ZHX2: variants seen among roughly 807,000 people sequenced by gnomAD.
The protein encoded by ZHX2 is zinc fingers and homeoboxes protein 2.
In ZHX2, 6 loss-of-function variants were observed where a neutral mutation model predicts 21.9. That is an observed-to-expected ratio of 0.27 (90% confidence interval 0.15 to 0.54). ZHX2 has a LOEUF of 0.54. Ranked by LOEUF, ZHX2 falls within the 20% of genes least tolerant of loss-of-function variation. The pLI is 0.95. For synonymous variants in ZHX2, 434 were observed against 437.1 expected (o/e 0.99, Z 0.09); for missense variants, 908 against 1,090.7 (o/e 0.83, Z 2.36).
At chr8:122,801,169 T>G (rs1817712490) in intron 1 of ZHX2, among the ~76,000 whole-genome samples, 1 of 152,168 alleles carries the variant, frequency 6.6e-6, no homozygotes, top group Non-Finnish European at 1.5e-5. Context: ...ATGAAAAAAT[T>G]CGTAATTCTA....
intron 1 of ZHX2, among the ~76,000 whole-genome samples, chr8:122,834,451 G>A (rs1014703842): frequency 2.6e-5 from 4 of 152,236 alleles, no homozygotes; most frequent in Admixed American, 6.5e-5. Context: ...TGCCGCACTT[G>A]AAACAGGCGC....
intron 2 of ZHX2, among the ~76,000 whole-genome samples, chr8:122,898,132 C>CA (rs1162368628): frequency 3.0e-4 from 45 of 152,260 alleles, no homozygotes; most frequent in Middle Eastern, 3.4e-3. Flanking sequence ...GTAGTTTTTA[C>CA]AAAAAACCCA....
chr8:122,931,645 T>C (rs192192498), intron 2 of ZHX2, among the ~76,000 whole-genome samples: 13 of 151,792 alleles, frequency 8.6e-5, no homozygotes, highest in African/African-American at 3.1e-4. Flanking sequence ...AGCATCAGAG[T>C]CTTCAGGAGG....
chr8:122,865,083 G>A (rs193051077), intron 2 of ZHX2, among the ~76,000 whole-genome samples: 3 of 152,158 alleles, frequency 2.0e-5, no homozygotes, highest in Admixed American at 2.0e-4. Flanking sequence ...GCTGTCAGGG[G>A]CTGGGGAAAG....
intron 2 of ZHX2, among the ~76,000 whole-genome samples, chr8:122,925,670 C>A (rs1820832097): frequency 6.6e-6 from 1 of 152,160 alleles, no homozygotes; most frequent in South Asian, 2.1e-4. Context: ...GCAGAGAGAA[C>A]AGCTCGAGCA....
chr8:122,811,758 C>G (rs1477702266), intron 1 of ZHX2, among the ~76,000 whole-genome samples: 9 of 152,316 alleles, frequency 5.9e-5, no homozygotes, highest in Admixed American at 1.3e-4. Context: ...CGTAAAGACC[C>G]TTTCTCGTGG....
chr8:122,800,753 G>T (rs902433009), intron 1 of ZHX2, among the ~76,000 whole-genome samples: 17 of 152,184 alleles, frequency 1.1e-4, no homozygotes, highest in Non-Finnish European at 2.4e-4. Context: ...TCCCAAGGCG[G>T]GGGGCAGAGA....
rs71310636 is a variant in ZHX2 at position 122,937,933 on chromosome 8, G to GTTTTTTTTTTTT, written c.-219-13349_-219-13338dup. Among the ~76,000 whole-genome samples the GTTTTTTTTTTTT allele has an allele frequency of 1.9e-4, 14 of 73,380 alleles. 1 individual carries two copies. Among genetic ancestry groups the GTTTTTTTTTTTT allele is most frequent in the Admixed American group, 2.4e-4 (1 of 4,176 alleles). 48.1% of individuals were successfully genotyped at this position (73,380 alleles called of 152,430 possible). Reference sequence around the variant, plus strand: ...ATTATGTTTCCTGGTTTTCTTTTTGGTTTTTTTTTTTTTTTTTTTTTGAGA... The same window carrying GTTTTTTTTTTTT: ...ATTATGTTTCCTGGTTTTCTTTTTGGTTTTTTTTTTTTTTTTTTTTTTTTTTTTTTTTTGAGA... On this transcript the variant is annotated intron_variant, in intron 2 of 3. Coordinates refer to ENST00000314393, the MANE Select transcript of ZHX2 (RefSeq NM_014943.5).
chr8:122,791,124 A>G (rs1000140481), intron 1 of ZHX2, among the ~76,000 whole-genome samples: 1 of 152,234 alleles, frequency 6.6e-6, no homozygotes, highest in African/African-American at 2.4e-5. Flanking sequence ...CTGAGCCACA[A>G]TCCAGCACGG....
intron 2 of ZHX2, among the ~76,000 whole-genome samples, chr8:122,920,229 G>C (rs1161027833): frequency 6.6e-6 from 1 of 152,088 alleles, no homozygotes; most frequent in African/African-American, 2.4e-5. Context: ...AGCCGAGATC[G>C]TGCCGTTGCA....
intron 2 of ZHX2, among the ~76,000 whole-genome samples, chr8:122,937,937 T>TTTTTG (rs1812745823): frequency 8.5e-6 from 1 of 118,276 alleles, no homozygotes; most frequent in Admixed American, 8.7e-5. Context: ...TTTTTGGTTT[T>TTTTTG]TTTTTTTTTT....
At chr8:122,845,348 AAATTAACTTGTTTAT>A (rs374157451) in intron 1 of ZHX2, among the ~76,000 whole-genome samples, 1 of 152,334 alleles carries the variant, frequency 6.6e-6, no homozygotes, top group East Asian at 1.9e-4. Flanking sequence ...TTTCATAAGA[AAATTAACTTGTTTAT>A]AATTTTAATG....
chr8:122,935,382 T>C (rs530879038), intron 2 of ZHX2, among the ~76,000 whole-genome samples: 1 of 152,154 alleles, frequency 6.6e-6, no homozygotes, highest in South Asian at 2.1e-4. Context: ...TTGAAAATTA[T>C]TTGCAATGAA....
At chr8:122,853,248 T>C (rs1157599322) in intron 1 of ZHX2, among the ~76,000 whole-genome samples, 2 of 152,214 alleles carry the variant, frequency 1.3e-5, no homozygotes, top group African/African-American at 4.8e-5. Context: ...GGGAGCATTC[T>C]ATGTGCCAGG....
Position 122,974,110 on chromosome 8 carries a change from T to C in ZHX2, c.*873T>C, listed in dbSNP as rs941581988. 6.6e-6 allele frequency: 1 copy of C among 152,544 alleles called. No homozygotes were observed. Among genetic ancestry groups the C allele is most frequent in the African/African-American group, 2.4e-5 (1 of 41,402 alleles). 9.4% of individuals were successfully genotyped at this position (152,544 alleles called of 1,614,324 possible). Reference sequence around the variant, plus strand: ...TATTGTGACATTAAAACAACAACAATAAGATCTTCCTATCTGGAGGGTACA... The same window carrying C: ...TATTGTGACATTAAAACAACAACAACAAGATCTTCCTATCTGGAGGGTACA... On this transcript the variant is annotated 3_prime_UTR_variant, in exon 4 of 4. Coordinates refer to ENST00000314393, the MANE Select transcript of ZHX2 (RefSeq NM_014943.5).
At chr8:122,875,365 A>C (rs926084827) in intron 2 of ZHX2, among the ~76,000 whole-genome samples, 3 of 151,986 alleles carry the variant, frequency 2.0e-5, no homozygotes, top group South Asian at 4.1e-4. Context: ...CCGAGGTTGC[A>C]TGTGGCCCAC....
chr8:122,898,050 G>T (rs1335778671), intron 2 of ZHX2, among the ~76,000 whole-genome samples: 2 of 152,214 alleles, frequency 1.3e-5, no homozygotes, highest in South Asian at 2.1e-4. Context: ...TGACTGATTT[G>T]TCCACACCGT....
chr8:122,838,474 G>A (rs1818551082), intron 1 of ZHX2, among the ~76,000 whole-genome samples: 1 of 152,010 alleles, frequency 6.6e-6, no homozygotes, highest in Non-Finnish European at 1.5e-5. Flanking sequence ...TCAACAAGAG[G>A]TGAATAGTAC....
intron 2 of ZHX2, among the ~76,000 whole-genome samples, chr8:122,878,706 T>C (rs1376933033): frequency 3.9e-5 from 6 of 152,036 alleles, no homozygotes. Context: ...AGGTGACATG[T>C]CAAAAGGCAG....
Sources: gnomAD v4.1 joint callset for allele counts (sites outside exome capture counted in the v4.1 genomes callset) on GRCh38, gnomAD v4.1.1 for gene constraint, MANE v1.5 for transcripts, NCBI Gene and HGNC (gene_info 2026-07-23, HGNC 2026-07-21) for gene names.